ADD3: variants seen among roughly 807,000 people sequenced by gnomAD.
ADD3 encodes gamma-adducin.
A neutral mutation model predicts 80.2 loss-of-function variants in ADD3; 25 were observed. That is an observed-to-expected ratio of 0.31 (90% CI 0.23 to 0.44). ADD3 has a LOEUF of 0.44. Among genes scored for constraint, ADD3 ranks in the 20% least tolerant of loss-of-function variants. The probability of loss-of-function intolerance (pLI) is 1.00; values close to 1 mark genes in which losing one functional copy is unlikely to be tolerated. For missense variants in ADD3, 829 were observed against 847.5 expected, an observed-to-expected ratio of 0.98 and a Z score of 0.27; for synonymous variants, 284 against 289.6, an observed-to-expected ratio of 0.98 and a Z score of 0.20.
intron 1 of ADD3, among the ~76,000 whole-genome samples, chr10:110,098,247 T>C (rs1463269876): frequency 6.6e-6 from 1 of 152,220 alleles, no homozygotes; most frequent in African/African-American, 2.4e-5. Flanking sequence ...ATTATTCTTA[T>C]CTATGAATAA....
At chr10:110,051,216 A>C (rs1038441133) in intron 1 of ADD3, among the ~76,000 whole-genome samples, 2 of 152,250 alleles carry the variant, frequency 1.3e-5, no homozygotes, top group East Asian at 3.8e-4. Flanking sequence ...AAGAAACCAG[A>C]GGGAAATCTT....
intron 1 of ADD3, among the ~76,000 whole-genome samples, chr10:110,072,913 C>A (rs1844910160): frequency 6.6e-6 from 1 of 152,096 alleles, no homozygotes; most frequent in African/African-American, 2.4e-5. Context: ...ACTCTTACAC[C>A]TTGGCTTTGG....
intron 1 of ADD3, among the ~76,000 whole-genome samples, chr10:110,039,694 A>G (rs760512844): frequency 4.6e-5 from 7 of 152,232 alleles, no homozygotes; most frequent in Non-Finnish European, 1.0e-4. Flanking sequence ...CAGGAATCCA[A>G]GAGCAGCTTT....
At chr10:109,999,205 C>A (rs1851436248) in intron 1 of ADD3, among the ~76,000 whole-genome samples, 1 of 152,212 alleles carries the variant, frequency 6.6e-6, no homozygotes, top group South Asian at 2.1e-4. Context: ...TACACAAACT[C>A]TCTACTCCAG....
Position 110,119,296 on chromosome 10 carries a change from C to T in ADD3, c.803C>T (p.Ser268Leu). ...GTTGCCTATTATGACTACCAAGGGT[C>T]ACTTGAAGAACAGGAGGAGAGAATT... ...GDVAYYDYQGSLEEQEERIQL... is the reference protein window; with the variant it reads ...GDVAYYDYQGLLEEQEERIQL... The change falls in exon 7 of 15, where the codon TCA becomes TTA. Residue 268 changes from serine (S) to leucine (L), a missense_variant. By Grantham distance (145) the Ser-to-Leu change is moderately radical. Coordinates refer to ENST00000356080, the MANE Select transcript of ADD3 (RefSeq NM_016824.5). 1 of 1,614,112 alleles carries T rather than the reference C, an allele frequency of 6.2e-7. No individual in the cohort carries two copies.
At position 110,117,476 on chromosome 10, in the gene ADD3, A is replaced by G. The variant is rs74400964; in HGVS notation, c.567+54A>G. On this transcript the variant is annotated intron_variant, in intron 5 of 14. Coordinates refer to ENST00000356080, the MANE Select transcript of ADD3 (RefSeq NM_016824.5). ...TTCTGAGCTTTCTTTGGCTTTTCTG[A>G]CAGTTCTTAGCTTTTAGCACAGGAC... The G allele has an allele frequency of 7.0e-3, 7,646 of 1,096,116 alleles. 57 individuals carry two copies. The highest frequency in any genetic ancestry group is 0.026 in the Middle Eastern group (131 of 5,024). The allele number at this position is 1,096,116 out of a possible 1,614,324, so 67.9% of individuals were successfully genotyped here.
chr10:110,023,141 A>G lies in ADD3; in HGVS notation c.-30+14842A>G, dbSNP rs546353529. Among the ~76,000 whole-genome samples, 3 of 152,308 alleles carry G rather than the reference A, an allele frequency of 2.0e-5. No individual in the cohort carries two copies. In the South Asian group the frequency reaches 6.2e-4, roughly 32 times the overall value. ...TTTAGAGATAAGCAAATGAACTAAGACCATGGCTTTGAGATTTGAAAGAGA... is the reference window on the plus strand; with the variant it reads ...TTTAGAGATAAGCAAATGAACTAAGGCCATGGCTTTGAGATTTGAAAGAGA... On this transcript the variant is annotated intron_variant, in intron 1 of 14. Coordinates refer to ENST00000356080, the MANE Select transcript of ADD3 (RefSeq NM_016824.5).
At chr10:110,085,126 C>G (rs1374477237) in intron 1 of ADD3, among the ~76,000 whole-genome samples, 1 of 152,084 alleles carries the variant, frequency 6.6e-6, no homozygotes, top group Non-Finnish European at 1.5e-5. Flanking sequence ...TCAATGTATA[C>G]ATACATTTTT....
At chr10:110,005,403 TCAA>T (rs1455195329), upstream of ADD3, among the ~76,000 whole-genome samples, 1 of 152,178 alleles carries the variant, frequency 6.6e-6, no homozygotes, top group Non-Finnish European at 1.5e-5. Flanking sequence ...TTGAAACCTG[TCAA>T]CAATATATTT....
At chr10:110,016,471 A>G (rs550343698) in intron 1 of ADD3, 3 of 152,332 alleles carry the variant, frequency 2.0e-5, no homozygotes, top group Non-Finnish European at 4.4e-5. Flanking sequence ...GTAGTGGTGA[A>G]ATTAAATTAA....
chr10:110,125,993 T>A lies in ADD3; in HGVS notation c.1521+48T>A. ...CAGGGGAGACATTTTAATTGCTTTA[T>A]GTTTAAATCACCAGTGGTTGAATCT... On this transcript the variant is annotated intron_variant, in intron 11 of 14. Transcript: ENST00000356080. 1.9e-6 allele frequency: 3 copies of A among 1,546,136 alleles called. No individual in the cohort carries two copies. The East Asian group carries it at 6.9e-5, about 35-fold the overall frequency.
At position 110,117,559 on chromosome 10, in the gene ADD3, A is replaced by T. The variant is rs1176732242; in HGVS notation, c.567+137A>T. On this transcript the variant is annotated intron_variant, in intron 5 of 14. Coordinates refer to ENST00000356080, the MANE Select transcript of ADD3 (RefSeq NM_016824.5). ...CTAGTGAACAGTGAAGGGAATTTGA[A>T]CTATGTTGTTTTAGGGAAAAGCTTT... 31 of 596,924 alleles carry T rather than the reference A, an allele frequency of 5.2e-5. No individual in the cohort carries two copies. In the East Asian group the frequency reaches 8.7e-4, roughly 17 times the overall value. 37.0% of individuals were successfully genotyped at this position (596,924 alleles called of 1,614,324 possible).
chr10:110,026,671 CTGGT>C (rs1174880117), intron 1 of ADD3, among the ~76,000 whole-genome samples: 1 of 152,060 alleles, frequency 6.6e-6, no homozygotes, highest in African/African-American at 2.4e-5. Flanking sequence ...TTGGTTTAAA[CTGGT>C]TGGAGTCTGG....
At chr10:110,028,352 T>C (rs12762978) in intron 1 of ADD3, among the ~76,000 whole-genome samples, 12,487 of 151,702 alleles carry the variant, frequency 0.082, 1,645 homozygotes, top group African/African-American at 0.28. Flanking sequence ...GGTGGGTGGA[T>C]CACCTGAAGT....
chr10:110,041,012 CTG>C (rs1856290517), intron 1 of ADD3, among the ~76,000 whole-genome samples: 1 of 152,172 alleles, frequency 6.6e-6, no homozygotes, highest in Admixed American at 6.6e-5. Flanking sequence ...CTGTCCCTCT[CTG>C]TCTCACTCAT....
At chr10:110,069,686 C>T (rs1377093838) in intron 1 of ADD3, among the ~76,000 whole-genome samples, 1 of 152,224 alleles carries the variant, frequency 6.6e-6, no homozygotes, top group East Asian at 1.9e-4. Flanking sequence ...TTAGTATTAA[C>T]CTAGAACATT....
chr10:110,050,374 T>A (rs1857372351), intron 1 of ADD3, among the ~76,000 whole-genome samples: 2 of 152,130 alleles, frequency 1.3e-5, no homozygotes, highest in Non-Finnish European at 2.9e-5. Flanking sequence ...GATCTGATGA[T>A]TTTATAAGGG....
Position 110,063,746 on chromosome 10 carries a change from T to TATATATATATA in ADD3, c.-29-36878_-29-36868dup, listed in dbSNP as rs1843521054. Among the ~76,000 whole-genome samples the TATATATATATA allele has an allele frequency of 6.4e-5, 2 of 31,356 alleles. 1 individual carries two copies. Among genetic ancestry groups the TATATATATATA allele is most frequent in the African/African-American group, 2.5e-4 (2 of 8,136 alleles). The allele number at this position is 31,356 out of a possible 152,430, so 20.6% of individuals were successfully genotyped here. ...TGAATATATATATTCATTATATATA[T>TATATATATATA]ATATATATATATATATATATATATA... On this transcript the variant is annotated intron_variant, in intron 1 of 14. Coordinates refer to ENST00000356080, the MANE Select transcript of ADD3 (RefSeq NM_016824.5).
rs567812328 is a variant in ADD3 at position 110,076,375 on chromosome 10, G to A, written c.-29-24250G>A. 1.4e-4 allele frequency among the ~76,000 whole-genome samples: 21 copies of A among 152,282 alleles called. No individual in the cohort carries two copies. The Middle Eastern group carries it at 0.01, about 75-fold the overall frequency. ...AAATTCCTACAAAATTATTGAAAAA[G>A]TGGGTGAGTATAAAATTTTTTAAAG... On this transcript the variant is annotated intron_variant, in intron 1 of 14. Transcript: ENST00000356080.
Sources: allele counts gnomAD v4.1 joint callset (sites outside exome capture counted in the v4.1 genomes callset), GRCh38; gene constraint gnomAD v4.1.1; transcripts MANE v1.5; gene names NCBI Gene and HGNC (gene_info 2026-07-23, HGNC 2026-07-21).